Variants in CNTNAP5 observed in about 807,000 individuals in gnomAD.
The protein encoded by CNTNAP5 is contactin associated protein family member 5.
Under a neutral mutation model 150.2 loss-of-function variants are expected in CNTNAP5, and 72 were observed. That is an observed-to-expected ratio of 0.48 (90% CI 0.40 to 0.58). The LOEUF is 0.58. CNTNAP5 is among the 20% of genes least tolerant of loss of function. The pLI is 0.00. For missense variants in CNTNAP5, 1,636 were observed against 1,626.2 expected (o/e 1.01, Z -0.10); for synonymous variants, 672 against 619.8 (o/e 1.08, Z -1.25).
intron 1 of CNTNAP5, among the ~76,000 whole-genome samples, chr2:124,121,530 T>G (rs7592198): frequency 6.6e-6 from 1 of 152,010 alleles, no homozygotes; most frequent in African/African-American, 2.4e-5. Flanking sequence ...GTCAACACAA[T>G]TATTGCCTAT....
intron 1 of CNTNAP5, among the ~76,000 whole-genome samples, chr2:124,214,898 C>A (rs1401885789): frequency 7.9e-5 from 12 of 152,106 alleles, no homozygotes; most frequent in Non-Finnish European, 1.8e-4. Context: ...GAAGACTCGG[C>A]CTTCCTTTCA....
chr2:124,566,315 GCTCA>G (rs1327185126), intron 11 of CNTNAP5, among the ~76,000 whole-genome samples: 1 of 152,064 alleles, frequency 6.6e-6, no homozygotes, highest in African/African-American at 2.4e-5. Flanking sequence ...AGCTTATTCC[GCTCA>G]CTTTCTCCAA....
chr2:124,426,083 C>T lies in CNTNAP5; in HGVS notation c.530-8401C>T, dbSNP rs1021999236. Among the ~76,000 whole-genome samples the T allele has an allele frequency of 1.2e-4, 18 of 152,038 alleles. No homozygotes were observed. The East Asian group carries it at 1.7e-3, about 15-fold the overall frequency. ...AAAAAACCTAAGCATTATGAGAAGGCGAGTCTTACTGTTAGAGCTAGAATG... is the reference window on the plus strand; with the variant it reads ...AAAAAACCTAAGCATTATGAGAAGGTGAGTCTTACTGTTAGAGCTAGAATG... On this transcript the variant is annotated intron_variant, in intron 4 of 23. Coordinates refer to ENST00000682447, the MANE Select transcript of CNTNAP5 (RefSeq NM_001367498.1).
chr2:124,176,718 G>T (rs1170918195), intron 1 of CNTNAP5, among the ~76,000 whole-genome samples: 1 of 151,986 alleles, frequency 6.6e-6, no homozygotes, highest in Non-Finnish European at 1.5e-5. Context: ...TGTCTGTCTA[G>T]CTTCTTCTCT....
At position 124,292,301 on chromosome 2, in the gene CNTNAP5, G is replaced by T. The variant is rs530714505; in HGVS notation, c.381+49908G>T. ...CTCTTCAATTAATGTAGCACCAAAA[G>T]CCTTCAGCTTTTGAGGCTTTTAGAA... is the stretch of plus-strand genomic sequence containing the variant. On this transcript the variant is annotated intron_variant, in intron 3 of 23. Transcript: ENST00000682447. 1.8e-3 allele frequency among the ~76,000 whole-genome samples: 277 copies of T among 152,156 alleles called. 1 individual carries two copies. Among genetic ancestry groups the T allele is most frequent in the Non-Finnish European group, 3.0e-3 (203 of 68,018 alleles).
intron 13 of CNTNAP5, among the ~76,000 whole-genome samples, chr2:124,654,860 T>C (rs1678407076): frequency 6.6e-6 from 1 of 151,860 alleles, no homozygotes; most frequent in Admixed American, 6.6e-5. Context: ...ACACCAGAAT[T>C]AAAACCACAA....
intron 7 of CNTNAP5, among the ~76,000 whole-genome samples, chr2:124,486,589 G>C (rs1693885433): frequency 6.6e-6 from 1 of 152,092 alleles, no homozygotes; most frequent in Admixed American, 6.6e-5. Context: ...TAGAGACCTT[G>C]GACATCTGGA....
intron 10 of CNTNAP5, among the ~76,000 whole-genome samples, chr2:124,553,999 G>T (rs1224860467): frequency 6.6e-6 from 1 of 152,186 alleles, no homozygotes; most frequent in Non-Finnish European, 1.5e-5. Context: ...GATGATTTTT[G>T]AATGTAGAAC....
At chr2:124,037,714 G>A (rs577303690) in intron 1 of CNTNAP5, among the ~76,000 whole-genome samples, 39 of 152,270 alleles carry the variant, frequency 2.6e-4, no homozygotes, top group African/African-American at 8.9e-4. Context: ...TGGTCAAAGG[G>A]TACAAAGTTT....
chr2:124,604,167 ATAAGCT>A (rs771046135), intron 11 of CNTNAP5, among the ~76,000 whole-genome samples: 35 of 152,328 alleles, frequency 2.3e-4, no homozygotes, highest in Non-Finnish European at 4.0e-4. Context: ...GCATTAAATT[ATAAGCT>A]TAAGCTTATT....
intron 12 of CNTNAP5, among the ~76,000 whole-genome samples, chr2:124,633,119 C>A (rs72974530): frequency 0.012 from 1,822 of 152,152 alleles, 28 homozygotes; most frequent in African/African-American, 0.041. Context: ...CTGCCTCTAG[C>A]CCCTCCAAAT....
chr2:124,761,708 G>A (rs1475855000), intron 14 of CNTNAP5, among the ~76,000 whole-genome samples: 4 of 151,998 alleles, frequency 2.6e-5, no homozygotes, highest in Non-Finnish European at 5.9e-5. Context: ...ATTTGTGTCT[G>A]TTTCTGTTGC....
chr2:124,790,924 A>G (rs1021916876), intron 18 of CNTNAP5, among the ~76,000 whole-genome samples: 3 of 152,256 alleles, frequency 2.0e-5, no homozygotes, highest in Non-Finnish European at 2.9e-5. Context: ...ACATAAGGAA[A>G]AAGATTTGGT....
intron 12 of CNTNAP5, among the ~76,000 whole-genome samples, chr2:124,637,858 T>G (rs1314891120): frequency 2.6e-5 from 4 of 152,176 alleles, no homozygotes; most frequent in African/African-American, 9.7e-5. Context: ...CTATTAATAT[T>G]GGAGCATTTT....
At chr2:124,715,774 C>T (rs1031492630) in intron 13 of CNTNAP5, among the ~76,000 whole-genome samples, 10 of 152,072 alleles carry the variant, frequency 6.6e-5, no homozygotes, top group Non-Finnish European at 4.4e-5. Context: ...CCGAAAATGC[C>T]GTTGCTATAG....
Position 124,419,936 on chromosome 2 carries a change from CTTT to C in CNTNAP5, c.529+2347_529+2349del, listed in dbSNP as rs1232449602. 9.8e-3 allele frequency among the ~76,000 whole-genome samples: 1,213 copies of C among 124,138 alleles called. 30 individuals carry two copies. The highest frequency in any genetic ancestry group is 0.032 in the African/African-American group (1,002 of 31,046). The allele number at this position is 124,138 out of a possible 152,430, so 81.4% of individuals were successfully genotyped here. A position where few individuals can be genotyped will look rare whatever the true frequency, so the allele number is the denominator to read the frequency against. The stretch of plus-strand genomic sequence containing the variant: ...TCTTTCTTTCTTTCTTTCTTTCTTT[CTTT>C]CTTTCTTTCTTTCTTTCCTTTTCTC... On this transcript the variant is annotated intron_variant, in intron 4 of 23. Coordinates refer to ENST00000682447, the MANE Select transcript of CNTNAP5 (RefSeq NM_001367498.1).
intron 3 of CNTNAP5, among the ~76,000 whole-genome samples, chr2:124,335,725 G>T (rs907697567): frequency 5.9e-5 from 9 of 151,788 alleles, no homozygotes; most frequent in Non-Finnish European, 8.8e-5. Context: ...AATTAAGGAG[G>T]CTGACTGGTA....
In CNTNAP5 at chr2:124,632,390, C is replaced by G. The variant is rs146622123; in HGVS notation, c.1877-15368C>G. Reference sequence around the variant, plus strand: ...ATGCAGCAATAAAAAGAAACGAGATCATGTCCTTTGCAGGGACACGAATGA... The same window carrying G: ...ATGCAGCAATAAAAAGAAACGAGATGATGTCCTTTGCAGGGACACGAATGA... On this transcript the variant is annotated intron_variant, in intron 12 of 23. Coordinates refer to ENST00000682447, the MANE Select transcript of CNTNAP5 (RefSeq NM_001367498.1). Among the ~76,000 whole-genome samples the G allele has an allele frequency of 3.6e-3, 542 of 152,272 alleles. 2 individuals carry two copies. The highest frequency in any genetic ancestry group is 5.4e-3 in the Non-Finnish European group (364 of 68,020).
intron 19 of CNTNAP5, among the ~76,000 whole-genome samples, chr2:124,801,290 G>A (rs1681960765): frequency 1.3e-5 from 2 of 152,176 alleles, no homozygotes; most frequent in African/African-American, 4.8e-5. Context: ...AGGAATGAGA[G>A]ACTAAAAAAT....
Sources: gnomAD v4.1 joint callset for allele counts (sites outside exome capture counted in the v4.1 genomes callset) on GRCh38, gnomAD v4.1.1 for gene constraint, MANE v1.5 for transcripts, NCBI Gene and HGNC (gene_info 2026-07-23, HGNC 2026-07-21) for gene names.